The following SLC25A48 variants were observed in gnomAD, a reference collection of about 807,000 sequenced individuals.
SLC25A48 encodes solute carrier family 25 member 48.
SLC25A48 carries 29 observed loss-of-function variants against 32.2 expected under a neutral mutation model. That is an observed-to-expected ratio of 0.90 (90% CI 0.67 to 1.23). The LOEUF (loss-of-function observed/expected upper bound fraction) is 1.23. Among genes scored for constraint, SLC25A48 ranks in the 50% most tolerant of loss-of-function variants. SLC25A48 has a pLI of 0.00. For synonymous variants in SLC25A48, 164 were observed against 172.3 expected, an observed-to-expected ratio of 0.95 and a Z score of 0.38; for missense variants, 399 against 422.7, an observed-to-expected ratio of 0.94 and a Z score of 0.49.
intron 2 of SLC25A48, among the ~76,000 whole-genome samples, chr5:135,631,949 G>T (rs983290657): frequency 5.3e-5 from 8 of 152,184 alleles, no homozygotes; most frequent in African/African-American, 1.7e-4. Flanking sequence ...CCCAGGGGAG[G>T]GGGAGGTCTT....
At chr5:135,723,860 C>G (rs765000898) in intron 3 of SLC25A48, among the ~76,000 whole-genome samples, 15 of 152,272 alleles carry the variant, frequency 9.9e-5, no homozygotes, top group Non-Finnish European at 1.3e-4. Flanking sequence ...TGGAAGAGCC[C>G]ACATTAGCTG....
rs577157132 is a variant in SLC25A48, at chr5:135,761,469, AAAG to A, written c.-520-51048_-520-51046del. Among the ~76,000 whole-genome samples the A allele has an allele frequency of 2.2e-3, 332 of 152,264 alleles. 1 individual carries two copies. The highest frequency in any genetic ancestry group is 7.3e-3 in the African/African-American group (305 of 41,574). On this transcript the variant is annotated intron_variant, in intron 3 of 10. Coordinates refer to the SLC25A48 transcript ENST00000646290. ...GTATAATTAAAATATATATATAAAA[AAAG>A]AAGAAAGAAAAAGAAAACTGAACTA...
chr5:135,582,812 C>G lies in SLC25A48; in HGVS notation c.-849+3215C>G, dbSNP rs115272981. On this transcript the variant is annotated intron_variant, in intron 1 of 10. Transcript: ENST00000646290. ...GTGCTCCTCCCCAGGGGCTGACAGG[C>G]AACCCTCTTCTCCTCAGTGAGCCTG... 5.3e-3 allele frequency among the ~76,000 whole-genome samples: 811 copies of G among 152,308 alleles called. 5 individuals are homozygous for G. Among genetic ancestry groups the G allele is most frequent in the Non-Finnish European group, 8.8e-3 (597 of 68,012 alleles).
intron 3 of SLC25A48, among the ~76,000 whole-genome samples, chr5:135,773,489 G>A (rs1452430157): frequency 6.6e-6 from 1 of 151,046 alleles, no homozygotes; most frequent in Non-Finnish European, 1.5e-5. Context: ...CAGAAAGGGA[G>A]AAAATTATAT....
intron 4 of SLC25A48, among the ~76,000 whole-genome samples, chr5:135,858,654 A>G: frequency 6.6e-6 from 1 of 152,322 alleles, no homozygotes; most frequent in African/African-American, 2.4e-5. Context: ...AGAGGCACTG[A>G]TGCTTTCTCT....
chr5:135,726,742 G>C (rs1299621559), intron 3 of SLC25A48, among the ~76,000 whole-genome samples: 1 of 152,198 alleles, frequency 6.6e-6, no homozygotes, highest in African/African-American at 2.4e-5. Context: ...GTTATGTCCA[G>C]TTTTTGGCTA....
At chr5:135,742,279 C>T (rs558190738) in intron 3 of SLC25A48, among the ~76,000 whole-genome samples, 2 of 152,266 alleles carry the variant, frequency 1.3e-5, no homozygotes, top group African/African-American at 4.8e-5. Flanking sequence ...CAGGATTTTG[C>T]CATGTTGGCC....
intron 4 of SLC25A48, among the ~76,000 whole-genome samples, chr5:135,865,744 G>T (rs572909533): frequency 6.6e-6 from 1 of 152,312 alleles, no homozygotes; most frequent in African/African-American, 2.4e-5. Flanking sequence ...ATACTAGGGG[G>T]CACAGCCTCA....
At chr5:135,708,200 A>C (rs1056902223) in intron 3 of SLC25A48, among the ~76,000 whole-genome samples, 6 of 152,218 alleles carry the variant, frequency 3.9e-5, no homozygotes, top group African/African-American at 1.4e-4. Context: ...GCACCTGCAA[A>C]AATAGAATAG....
chr5:135,709,224 G>A (rs762786282), intron 3 of SLC25A48, among the ~76,000 whole-genome samples: 14 of 152,230 alleles, frequency 9.2e-5, no homozygotes, highest in South Asian at 2.1e-4. Context: ...TGCCCACTGA[G>A]TGGCAGAACC....
intron 3 of SLC25A48, among the ~76,000 whole-genome samples, chr5:135,812,033 G>A (rs1018825432): frequency 6.6e-6 from 1 of 152,170 alleles, no homozygotes; most frequent in African/African-American, 2.4e-5. Context: ...AGTGAGCTGA[G>A]CCCGCACCAC....
intron 3 of SLC25A48, among the ~76,000 whole-genome samples, chr5:135,717,622 A>G (rs768539300): frequency 2.0e-5 from 3 of 152,178 alleles, no homozygotes; most frequent in Admixed American, 6.5e-5. Context: ...TGGCTACACA[A>G]CGCACAGGGA....
At chr5:135,883,171 T>C in intron 7 of SLC25A48, 1 of 985,522 alleles carries the variant, frequency 1.0e-6, no homozygotes, top group Non-Finnish European at 1.2e-6. Flanking sequence ...AGGCAGGCTG[T>C]CCTCAGAACC....
intron 3 of SLC25A48, among the ~76,000 whole-genome samples, chr5:135,638,875 G>T (rs1227824051): frequency 1.3e-5 from 2 of 152,070 alleles, no homozygotes; most frequent in Non-Finnish European, 2.9e-5. Flanking sequence ...ATCTTGTCAA[G>T]AAAGCCAATG....
At chr5:135,831,456 C>G (rs543637324), upstream of SLC25A48, among the ~76,000 whole-genome samples, 5 of 152,326 alleles carry the variant, frequency 3.3e-5, no homozygotes, top group East Asian at 9.7e-4. Context: ...CTGAGTCTGA[C>G]AGCAGAGATA....
chr5:135,777,790 G>A (rs929621040), intron 3 of SLC25A48, among the ~76,000 whole-genome samples: 5 of 151,232 alleles, frequency 3.3e-5, no homozygotes, highest in African/African-American at 1.2e-4. Context: ...TATCCGGGGG[G>A]GGGGGGAATG....
At chr5:135,674,640 G>C (rs1277783468) in intron 3 of SLC25A48, among the ~76,000 whole-genome samples, 4 of 151,636 alleles carry the variant, frequency 2.6e-5, no homozygotes, top group African/African-American at 7.3e-5. Context: ...ATGACCTCCA[G>C]TTCTGACCAT....
intron 3 of SLC25A48, among the ~76,000 whole-genome samples, chr5:135,757,524 T>C: frequency 6.7e-6 from 1 of 149,506 alleles, no homozygotes; most frequent in Admixed American, 6.7e-5. Flanking sequence ...GTTAACACAC[T>C]ATATTGATAA....
intron 3 of SLC25A48, among the ~76,000 whole-genome samples, chr5:135,753,799 G>A (rs571004392): frequency 6.6e-5 from 10 of 151,694 alleles, no homozygotes; most frequent in South Asian, 2.1e-4. Flanking sequence ...GTGTGATACC[G>A]CACTGTGATA....
Sources: allele counts gnomAD v4.1 joint callset (sites outside exome capture counted in the v4.1 genomes callset), GRCh38; gene constraint gnomAD v4.1.1; transcripts MANE v1.5; gene names NCBI Gene and HGNC (gene_info 2026-07-23, HGNC 2026-07-21).